PCNX1: variants seen among roughly 807,000 people sequenced by gnomAD.
PCNX1 encodes pecanex 1.
In PCNX1, 78 loss-of-function variants were observed where a neutral mutation model predicts 242.2. The observed-to-expected ratio is 0.32, with a 90% CI of 0.27 to 0.39. PCNX1 has a LOEUF of 0.39. Ranked by LOEUF, PCNX1 falls within the 10% of genes least tolerant of loss-of-function variation. PCNX1 has a pLI of 1.00. For missense variants in PCNX1, 2,581 were observed against 2,856.5 expected (o/e 0.90, Z 2.20); for synonymous variants, 1,024 against 1,032.9 (o/e 0.99, Z 0.17).
In PCNX1 at chr14:70,977,614, A is replaced by G. The variant is rs1380549240; in HGVS notation, c.1277A>G (p.Lys426Arg). ...GAGGAGTCTCCTAAAGCAGGAACAA[A>G]AAGTGGGAGGAAGAAAGAGTGCTGT... ...EHEESPKAGTKSGRKKECCAG... is the reference protein window; with the variant it reads ...EHEESPKAGTRSGRKKECCAG... The change falls in exon 6 of 36, where the codon AAA (lysine) becomes AGA (arginine). Residue 426 changes from lysine (K) to arginine (R), a missense_variant. By Grantham distance (26) the Lys-to-Arg change is conservative (BLOSUM62 2). Around this residue, in one of 9 missense-constraint regions of PCNX1, gnomAD observed 1,204 missense variants for 1,216.7 expected, o/e 0.99. Coordinates refer to ENST00000304743, the MANE Select transcript of PCNX1 (RefSeq NM_014982.3). 6.2e-7 allele frequency: 1 copy of G among 1,614,102 alleles called. No homozygotes were observed. The highest frequency in any genetic ancestry group is 8.5e-7 in the Non-Finnish European group (1 of 1,180,044).
At chr14:71,050,869 T>C in intron 23 of PCNX1, 109 bp downstream of exon 23, 1 of 1,046,966 alleles carries the variant, frequency 9.6e-7, no homozygotes, top group Non-Finnish European at 1.4e-6. Context: ...TAATGAATTA[T>C]CAAAAATTCA....
chr14:71,016,180 G>C (rs1183412483), intron 11 of PCNX1, among the ~76,000 whole-genome samples: 1 of 152,202 alleles, frequency 6.6e-6, no homozygotes, highest in Non-Finnish European at 1.5e-5. Flanking sequence ...ATTTCATAGT[G>C]ATAAGGAGTC....
chr14:71,083,465 C>G (rs974710223), intron 28 of PCNX1, among the ~76,000 whole-genome samples: 2 of 152,132 alleles, frequency 1.3e-5, no homozygotes, highest in Non-Finnish European at 2.9e-5. Flanking sequence ...ATTCCATTCT[C>G]TGCATCACTT....
At chr14:70,910,244 C>T (rs2055836329) in intron 1 of PCNX1, among the ~76,000 whole-genome samples, 1 of 27,134 alleles carries the variant, frequency 3.7e-5, no homozygotes. Flanking sequence ...CCAGCACCAT[C>T]ATCATCACGG....
Position 70,978,425 on chromosome 14 carries a change from C to CACT in PCNX1, c.2090_2091insTAC (p.Thr697dup). On this transcript the variant is annotated inframe_insertion, in exon 6 of 36. Transcript: ENST00000304743. Reference sequence around the variant, plus strand: ...CCCGAGTGTTGAGCCTGGACAGTGGCACAGTAGCATGTTTGAATGACTCAA... The same window carrying CACT: ...CCCGAGTGTTGAGCCTGGACAGTGGCACTACAGTAGCATGTTTGAATGACTCAA... 6.2e-7 allele frequency: 1 copy of CACT among 1,614,148 alleles called. No homozygotes were observed. Among genetic ancestry groups the CACT allele is most frequent in the African/African-American group, 1.3e-5 (1 of 75,040 alleles).
intron 8 of PCNX1, among the ~76,000 whole-genome samples, chr14:71,000,530 T>A (rs1054904091): frequency 6.7e-6 from 1 of 150,088 alleles, no homozygotes; most frequent in African/African-American, 2.4e-5. Flanking sequence ...CCCTTGATTT[T>A]TTTTTTTTTT....
intron 19 of PCNX1, among the ~76,000 whole-genome samples, chr14:71,043,205 T>C (rs908666462): frequency 6.6e-6 from 1 of 152,180 alleles, no homozygotes; most frequent in African/African-American, 2.4e-5. Context: ...AACTTAACCC[T>C]TTTTCTCTTG....
intron 15 of PCNX1, among the ~76,000 whole-genome samples, chr14:71,028,302 G>C (rs1002470259): frequency 2.6e-5 from 4 of 151,908 alleles, no homozygotes; most frequent in Admixed American, 2.0e-4. Context: ...GGGTAACACA[G>C]GTTCTGTTTA....
chr14:71,038,188 CA>C (rs2060600674), intron 19 of PCNX1, among the ~76,000 whole-genome samples: 1 of 70,080 alleles, frequency 1.4e-5, no homozygotes, highest in Admixed American at 1.8e-4. Context: ...TCTAAAACAC[CA>C]AAAGCAATGG....
intron 6 of PCNX1, among the ~76,000 whole-genome samples, chr14:70,983,466 G>T (rs1412094005): frequency 6.6e-6 from 1 of 152,016 alleles, no homozygotes; most frequent in Non-Finnish European, 1.5e-5. Flanking sequence ...CACGACACCC[G>T]GTTAATTTTT....
chr14:71,089,371 T>C, intron 30 of PCNX1, 29 bp downstream of exon 30: 1 of 1,497,214 alleles, frequency 6.7e-7, no homozygotes, highest in Non-Finnish European at 9.2e-7. Flanking sequence ...TCTAATTCAT[T>C]ACTGGTGTTT....
chr14:71,084,891 G>T (rs1464438493), intron 28 of PCNX1, among the ~76,000 whole-genome samples: 2 of 152,194 alleles, frequency 1.3e-5, no homozygotes, highest in African/African-American at 4.8e-5. Flanking sequence ...CGCCACTGGG[G>T]TATGAAAACT....
At position 71,026,127 on chromosome 14, in the gene PCNX1, G is replaced by C; in HGVS notation, c.3194G>C (p.Arg1065Pro). 1 of 1,580,784 alleles carries C rather than the reference G, an allele frequency of 6.3e-7. No homozygotes were observed. The highest frequency in any genetic ancestry group is 8.6e-7 in the Non-Finnish European group (1 of 1,162,398). ...DSSSPRHGHN[R>P]IIAYSRPVYF... ...AAATATCATTTTCAGGGTCATAATC[G>C]TATCATTGCCTACAGTAGACCAGTT... Residue 1065 changes from arginine to proline, a missense_variant, in exon 14 of 36, where the codon CGT becomes CCT. Arg to Pro is a moderately radical substitution (Grantham distance 103). This residue lies in a region of PCNX1 where 432 missense variants were observed against 443.1 expected (regional missense o/e 0.97). Transcript: ENST00000304743.
chr14:70,940,749 C>T (rs139531970), intron 1 of PCNX1, among the ~76,000 whole-genome samples: 1 of 152,220 alleles, frequency 6.6e-6, no homozygotes, highest in African/African-American at 2.4e-5. Flanking sequence ...TTCTCCCTGT[C>T]ACTTTCAGGT....
chr14:71,058,125 C>G (rs191605274), intron 26 of PCNX1, among the ~76,000 whole-genome samples: 1 of 152,098 alleles, frequency 6.6e-6, no homozygotes, highest in African/African-American at 2.4e-5. Flanking sequence ...AAACACCATG[C>G]CTTTGTCTTC....
At chr14:70,981,877 T>G (rs1237705783) in intron 6 of PCNX1, among the ~76,000 whole-genome samples, 1 of 152,214 alleles carries the variant, frequency 6.6e-6, no homozygotes, top group Non-Finnish European at 1.5e-5. Flanking sequence ...TTACAAAGAA[T>G]AGCCCGAGTG....
intron 8 of PCNX1, among the ~76,000 whole-genome samples, chr14:71,004,068 C>G (rs971687611): frequency 1.3e-5 from 2 of 152,306 alleles, no homozygotes; most frequent in Admixed American, 1.3e-4. Context: ...GGGCTAAGTC[C>G]AGCTCTATAC....
At chr14:71,013,332 A>G (rs1399459259) in intron 11 of PCNX1, 130 bp downstream of exon 11, 2 of 773,902 alleles carry the variant, frequency 2.6e-6, no homozygotes, top group Non-Finnish European at 4.6e-6. Flanking sequence ...TCCTCTGGAT[A>G]TAAAACTTAA....
chr14:70,918,590 G>A (rs1184771555), intron 1 of PCNX1, among the ~76,000 whole-genome samples: 2 of 152,172 alleles, frequency 1.3e-5, no homozygotes, highest in Non-Finnish European at 2.9e-5. Context: ...TGGAAAAATG[G>A]TGCTGATAGA....
Sources: allele counts gnomAD v4.1 joint callset (sites outside exome capture counted in the v4.1 genomes callset), GRCh38; gene constraint gnomAD v4.1.1; regional missense constraint gnomAD v4.1.1; transcripts MANE v1.5; gene names NCBI Gene and HGNC (gene_info 2026-07-23, HGNC 2026-07-21).